Variants in LRCH1 observed in about 807,000 individuals in gnomAD.
LRCH1 encodes the protein leucine rich repeats and calponin homology domain containing 1, also known as leucine-rich repeat and calponin homology domain-containing protein 1.
Under a neutral mutation model 94.9 loss-of-function variants are expected in LRCH1, and 23 were observed. That is an observed-to-expected ratio of 0.24 (90% CI 0.17 to 0.34). LRCH1 has a LOEUF of 0.34. Ranked by LOEUF, LRCH1 falls within the 10% of genes least tolerant of loss-of-function variation. The pLI is 1.00. For synonymous variants in LRCH1, 364 were observed against 354.9 expected (o/e 1.03, Z -0.29); for missense variants, 790 against 945.9 (o/e 0.84, Z 2.16).
At chr13:46,691,725 C>T (rs999871123) in intron 7 of LRCH1, among the ~76,000 whole-genome samples, 20 of 152,264 alleles carry the variant, frequency 1.3e-4, no homozygotes, top group Admixed American at 1.3e-3. Context: ...GAGTCTTGTT[C>T]TCTTGCCAGG....
At chr13:46,573,845 A>AATATATATATAT (rs1555269134) in intron 1 of LRCH1, among the ~76,000 whole-genome samples, 3 of 78,000 alleles carry the variant, frequency 3.8e-5, no homozygotes, top group Non-Finnish European at 5.1e-5. Flanking sequence ...ACTATAGTCA[A>AATATATATATAT]ATATATATAT....
intron 1 of LRCH1, among the ~76,000 whole-genome samples, chr13:46,618,783 C>T (rs757659843): frequency 6.6e-6 from 1 of 152,054 alleles, no homozygotes; most frequent in East Asian, 1.9e-4. Context: ...CTGTTTTTCT[C>T]ACTACTCAGG....
At chr13:46,676,517 C>T (rs2051675615) in intron 3 of LRCH1, among the ~76,000 whole-genome samples, 1 of 152,140 alleles carries the variant, frequency 6.6e-6, no homozygotes, top group Admixed American at 6.5e-5. Flanking sequence ...ATACAAAATG[C>T]ACTTCCACAA....
intron 1 of LRCH1, among the ~76,000 whole-genome samples, chr13:46,593,085 G>A (rs1425074301): frequency 2.0e-5 from 3 of 151,470 alleles, no homozygotes; most frequent in African/African-American, 7.3e-5. Context: ...TCCTCCTTTG[G>A]ATTACTAGCC....
At chr13:46,747,672 GTTCTGTTGA>G (rs1873965275), downstream of LRCH1, among the ~76,000 whole-genome samples, 1 of 151,956 alleles carries the variant, frequency 6.6e-6, no homozygotes, top group Non-Finnish European at 1.5e-5. Context: ...CTTGCCCAGT[GTTCTGTTGA>G]TTTGTTAGTG....
chr13:46,641,180 C>T (rs1284615566), intron 1 of LRCH1, among the ~76,000 whole-genome samples: 9 of 152,038 alleles, frequency 5.9e-5, no homozygotes, highest in Non-Finnish European at 8.8e-5. Context: ...GAGGACATTG[C>T]GGAGCTGAGA....
intron 1 of LRCH1, among the ~76,000 whole-genome samples, chr13:46,573,845 A>AATATATATATATATAT (rs1555269134): frequency 4.7e-4 from 37 of 77,956 alleles, no homozygotes; most frequent in Non-Finnish European, 6.9e-4. Context: ...ACTATAGTCA[A>AATATATATATATATAT]ATATATATAT....
chr13:46,557,699 C>T (rs1423783164), intron 1 of LRCH1, among the ~76,000 whole-genome samples: 1 of 151,712 alleles, frequency 6.6e-6, no homozygotes, highest in Non-Finnish European at 1.5e-5. Context: ...AAACATTAGC[C>T]GGGCATGGTG....
chr13:46,711,410 C>G (rs959491612), intron 13 of LRCH1, among the ~76,000 whole-genome samples: 5 of 152,090 alleles, frequency 3.3e-5, no homozygotes, highest in African/African-American at 1.2e-4. Context: ...CAATGTGATT[C>G]TGCATATTTA....
intron 10 of LRCH1, among the ~76,000 whole-genome samples, chr13:46,700,365 G>A (rs566646369): frequency 3.3e-5 from 5 of 152,204 alleles, no homozygotes; most frequent in South Asian, 2.1e-4. Flanking sequence ...CTTTAAAAAC[G>A]TTGGAAAGTT....
In LRCH1 at chr13:46,743,068, G is replaced by C; in HGVS notation, c.*1220G>C. On this transcript the variant is annotated 3_prime_UTR_variant, in exon 20 of 20. Coordinates refer to ENST00000389797, the MANE Select transcript of LRCH1 (RefSeq NM_001164211.2). ...TCTTTGTATAATATGAGAGGGCCTT[G>C]TTCCAAGGTCAAGGCAGCCTCCTTA... 1.0e-6 allele frequency: 1 copy of C among 985,384 alleles called. No homozygotes were observed. The highest frequency in any genetic ancestry group is 1.2e-6 in the Non-Finnish European group (1 of 829,912). 61.0% of individuals were successfully genotyped at this position (985,384 alleles called of 1,614,324 possible). A position where few individuals can be genotyped will look rare whatever the true frequency, so the allele number is the denominator to read the frequency against.
At chr13:46,561,700 A>G (rs76978396) in intron 1 of LRCH1, among the ~76,000 whole-genome samples, 4,015 of 152,218 alleles carry the variant, frequency 0.026, 175 homozygotes, top group African/African-American at 0.092. Context: ...CCATCAACAC[A>G]CTGCTTGGCT....
chr13:46,702,894 C>A (rs842393), intron 11 of LRCH1, among the ~76,000 whole-genome samples: 125,516 of 152,224 alleles, frequency 0.82, 52,344 homozygotes, highest in African/African-American at 0.95. Flanking sequence ...GCCAGGACTG[C>A]GAATCACCAG....
At chr13:46,750,682 C>T (rs778098268) in exon 19 of LRCH1, 3 of 1,439,048 alleles carry the variant, frequency 2.1e-6, no homozygotes, top group Admixed American at 2.0e-5. Flanking sequence ...GGCTCAGACT[C>T]TGCTCTCATC....
intron 18 of LRCH1, among the ~76,000 whole-genome samples, chr13:46,732,449 A>G (rs899069964): frequency 2.0e-5 from 3 of 152,210 alleles, no homozygotes; most frequent in African/African-American, 7.2e-5. Flanking sequence ...AAGTTAGGCA[A>G]CAATCTTTGA....
chr13:46,713,426 T>G (rs1872170312), intron 15 of LRCH1, among the ~76,000 whole-genome samples: 1 of 152,214 alleles, frequency 6.6e-6, no homozygotes, highest in Non-Finnish European at 1.5e-5. Context: ...TAAAGCATTT[T>G]GACAACAGTA....
At chr13:46,559,834 A>C (rs1348561255) in intron 1 of LRCH1, among the ~76,000 whole-genome samples, 2 of 152,186 alleles carry the variant, frequency 1.3e-5, no homozygotes, top group Non-Finnish European at 2.9e-5. Flanking sequence ...ACAAATTAGC[A>C]CACCCTGTCA....
chr13:46,718,166 CT>C (rs1872417986), intron 16 of LRCH1, among the ~76,000 whole-genome samples: 1 of 152,124 alleles, frequency 6.6e-6, no homozygotes, highest in African/African-American at 2.4e-5. Flanking sequence ...CATTTTTGCT[CT>C]TTCATTTGCA....
At chr13:46,622,283 A>G (rs1259999518) in intron 1 of LRCH1, among the ~76,000 whole-genome samples, 2 of 151,676 alleles carry the variant, frequency 1.3e-5, no homozygotes, top group Non-Finnish European at 2.9e-5. Context: ...AATAGAGTAT[A>G]CCATTAACTT....
Sources: allele counts gnomAD v4.1 joint callset (sites outside exome capture counted in the v4.1 genomes callset), GRCh38; gene constraint gnomAD v4.1.1; transcripts MANE v1.5; gene names NCBI Gene and HGNC (gene_info 2026-07-23, HGNC 2026-07-21).